FLACC1: variants seen among roughly 807,000 people sequenced by gnomAD.
FLACC1 encodes flagellum associated containing coiled-coil domains 1.
In FLACC1, 66 loss-of-function variants were observed where a neutral mutation model predicts 62.8. The ratio of observed to expected loss-of-function variants is 1.05; its 90% confidence interval spans 0.86 to 1.29. The LOEUF (loss-of-function observed/expected upper bound fraction) is 1.29. FLACC1 is among the 50% of genes most tolerant of loss of function. FLACC1 has a pLI of 0.00. For synonymous variants in FLACC1, 156 were observed against 161.0 expected, an observed-to-expected ratio of 0.97 and a Z score of 0.24; for missense variants, 452 against 489.1, an observed-to-expected ratio of 0.92 and a Z score of 0.71.
rs1267067325 is a variant in FLACC1 at position 201,344,402 on chromosome 2, TG to T, written c.369-140del. On this transcript the variant is annotated intron_variant, in intron 5 of 14. Coordinates refer to ENST00000392257, the MANE Select transcript of FLACC1 (RefSeq NM_001127391.3). ...ATGTTCTGCACCTGCTCTATCATTA[TG>T]GGGTGGGGGTGGAGGGATAGGGGTG... is the stretch of plus-strand genomic sequence containing the variant. The T allele has an allele frequency of 1.5e-5, 8 of 516,632 alleles. No homozygotes were observed. In the East Asian group the frequency reaches 3.7e-4, roughly 24 times the overall value. The allele number at this position is 516,632 out of a possible 1,614,324, so 32.0% of individuals were successfully genotyped here.
chr2:201,362,512 C>T, the FLACC1 span, among the ~76,000 whole-genome samples: 2 of 152,028 alleles, frequency 1.3e-5, no homozygotes, highest in Admixed American at 6.6e-5. Flanking sequence ...GGACAAACAG[C>T]CCCAGTGATG....
In FLACC1 at chr2:201,309,925, A is replaced by AAAAAAAAAAAAAAAAG. The variant is rs764506462; in HGVS notation, c.676-676_676-675insCTTTTTTTTTTTTTTT. Reference sequence around the variant, plus strand: ...TGTCTCAAAAAAAAAAAAAAAAAAAAAAGAAGAAGAAAGGAAATACCTAGT... The same window carrying AAAAAAAAAAAAAAAAG: ...TGTCTCAAAAAAAAAAAAAAAAAAAAAAAAAAAAAAAAAAAGAAGAAGAAGAAAGGAAATACCTAGT... On this transcript the variant is annotated intron_variant, in intron 9 of 14. Coordinates refer to ENST00000392257, the MANE Select transcript of FLACC1 (RefSeq NM_001127391.3). Among the ~76,000 whole-genome samples the AAAAAAAAAAAAAAAAG allele has an allele frequency of 1.3e-4, 13 of 99,452 alleles. 1 individual carries two copies. The highest frequency in any genetic ancestry group is 1.2e-3 in the South Asian group (3 of 2,456). The allele number at this position is 99,452 out of a possible 152,430, so 65.2% of individuals were successfully genotyped here.
At chr2:201,291,042 G>T (rs1409069094) in intron 12 of FLACC1, among the ~76,000 whole-genome samples, 1 of 152,198 alleles carries the variant, frequency 6.6e-6, no homozygotes, top group East Asian at 1.9e-4. Flanking sequence ...AGCTCGAACT[G>T]GGTGGAGCCC....
chr2:201,324,124 T>C (rs942538938), intron 9 of FLACC1, among the ~76,000 whole-genome samples: 5 of 152,030 alleles, frequency 3.3e-5, no homozygotes, highest in African/African-American at 1.2e-4. Flanking sequence ...TCACCTAACA[T>C]GAAAGGATTC....
At chr2:201,364,074 A>G in the FLACC1 span, among the ~76,000 whole-genome samples, 345 of 152,256 alleles carry the variant, frequency 2.3e-3, 1 homozygote, top group African/African-American at 7.8e-3. Flanking sequence ...CCCATAAACA[A>G]GGATCAAGTA....
intron 11 of FLACC1, among the ~76,000 whole-genome samples, chr2:201,304,968 A>G (rs1950071059): frequency 6.6e-6 from 1 of 152,182 alleles, no homozygotes; most frequent in South Asian, 2.1e-4. Flanking sequence ...CAGACCTAAA[A>G]CCATAAAAAC....
At chr2:201,314,286 T>C (rs1295616791) in intron 9 of FLACC1, among the ~76,000 whole-genome samples, 1 of 149,132 alleles carries the variant, frequency 6.7e-6, no homozygotes, top group Non-Finnish European at 1.5e-5. Context: ...TTTAAGGAAA[T>C]TTAAAAAAAA....
upstream of FLACC1, among the ~76,000 whole-genome samples, chr2:201,358,690 T>A (rs1306820887): frequency 1.3e-5 from 2 of 152,126 alleles, no homozygotes; most frequent in Non-Finnish European, 2.9e-5. Flanking sequence ...GTGCTGGGAT[T>A]ACAGGCGTGA....
chr2:201,361,999 C>A (rs571240221), upstream of FLACC1, among the ~76,000 whole-genome samples: 6 of 152,306 alleles, frequency 3.9e-5, no homozygotes, highest in South Asian at 1.2e-3. Flanking sequence ...TGCACAGTAA[C>A]ATTTGCTCAT....
chr2:201,307,147 AC>A (rs1356482783), intron 11 of FLACC1, among the ~76,000 whole-genome samples: 1 of 152,242 alleles, frequency 6.6e-6, no homozygotes, highest in African/African-American at 2.4e-5. Context: ...TTAAACCTGT[AC>A]CTGCCCTAGC....
intron 8 of FLACC1, 98 bp downstream of exon 8, chr2:201,330,638 A>G: frequency 6.5e-7 from 1 of 1,534,550 alleles, no homozygotes. Flanking sequence ...CCAAGGTAGT[A>G]AAACCTTTGT....
At chr2:201,309,425 T>A (rs1047088250) in intron 9 of FLACC1, among the ~76,000 whole-genome samples, 175 bp from the exon 10 acceptor site, 3 of 152,138 alleles carry the variant, frequency 2.0e-5, no homozygotes, top group African/African-American at 7.2e-5. Flanking sequence ...GGGTCCTCCA[T>A]GGGTGACTGG....
chr2:201,290,135 G>C (rs1164056631), intron 12 of FLACC1, among the ~76,000 whole-genome samples: 1 of 152,184 alleles, frequency 6.6e-6, no homozygotes, highest in African/African-American at 2.4e-5. Flanking sequence ...GGAGGGGAAG[G>C]GAGGGATGAA....
chr2:201,292,633 C>G (rs1433857264), intron 12 of FLACC1, among the ~76,000 whole-genome samples: 1 of 152,142 alleles, frequency 6.6e-6, no homozygotes, highest in Non-Finnish European at 1.5e-5. Context: ...AGCAAAATAA[C>G]CAGCTAACAT....
intron 7 of FLACC1, 142 bp from the exon 8 acceptor site, chr2:201,330,975 T>TTA: frequency 1.9e-6 from 1 of 535,044 alleles, no homozygotes. Context: ...TTAAATCTTT[T>TTA]TTTTTTTTTT....
intron 7 of FLACC1, among the ~76,000 whole-genome samples, chr2:201,340,934 T>TCCTG (rs1354548559): frequency 6.6e-6 from 1 of 152,210 alleles, no homozygotes; most frequent in African/African-American, 2.4e-5. Context: ...TCACACTGAC[T>TCCTG]CCTGGCCTGC....
intron 14 of FLACC1, 96 bp from the exon 15 acceptor site, chr2:201,288,877 C>T: frequency 1.4e-6 from 2 of 1,398,768 alleles, no homozygotes; most frequent in South Asian, 1.3e-5. Flanking sequence ...GCCTTCGTTC[C>T]TTCACCACAG....
In FLACC1 at chr2:201,311,614, T is replaced by A. The variant is rs533830312; in HGVS notation, c.676-2364A>T. On this transcript the variant is annotated intron_variant, in intron 9 of 14. Coordinates refer to ENST00000392257, the MANE Select transcript of FLACC1 (RefSeq NM_001127391.3). ...TATTTAGGAGGCTGAGGTGTGAGGA[T>A]CACTCCAGCCCAGGAGGTTGAGGCT... is the stretch of plus-strand genomic sequence containing the variant. Among the ~76,000 whole-genome samples, 24 of 149,716 alleles carry A rather than the reference T, an allele frequency of 1.6e-4. No homozygotes were observed. The South Asian group carries it at 5.1e-3, about 32-fold the overall frequency.
intron 9 of FLACC1, among the ~76,000 whole-genome samples, chr2:201,323,508 G>A (rs1395607409): frequency 6.6e-6 from 1 of 152,148 alleles, no homozygotes; most frequent in Non-Finnish European, 1.5e-5. Context: ...TTTTGTAATT[G>A]AAGGAGAAAT....
Sources: gnomAD v4.1 joint callset for allele counts (sites outside exome capture counted in the v4.1 genomes callset) on GRCh38, gnomAD v4.1.1 for gene constraint, MANE v1.5 for transcripts, NCBI Gene and HGNC (gene_info 2026-07-23, HGNC 2026-07-21) for gene names.